The following KRT31 variants were observed in gnomAD, a reference collection of about 807,000 sequenced individuals.
KRT31 encodes the protein keratin, type I cuticular Ha1.
A neutral mutation model predicts 40.8 loss-of-function variants in KRT31; 27 were observed. The ratio of observed to expected loss-of-function variants is 0.66; its 90% CI spans 0.49 to 0.91. The LOEUF (loss-of-function observed/expected upper bound fraction) is 0.91. Among genes scored for constraint, KRT31 ranks in the 40% least tolerant of loss-of-function variants. The pLI is 0.00. For missense variants in KRT31, 510 were observed against 544.1 expected, an observed-to-expected ratio of 0.94 and a Z score of 0.62; for synonymous variants, 231 against 231.9, an observed-to-expected ratio of 1.00 and a Z score of 0.03.
At position 41,397,354 on chromosome 17, in the gene KRT31, G is replaced by C. The variant is rs1206016624; in HGVS notation, c.186C>G (p.Phe62Leu). Residue 62 changes from phenylalanine (F) to leucine (L), a missense_variant, in exon 1 of 7, where the codon TTC (phenylalanine) becomes TTG (leucine). Physicochemically the swap from Phe to Leu is conservative, Grantham distance 22 (BLOSUM62 0). Transcript: ENST00000251645. Reference sequence around the variant, plus strand: ...GGTAGCTGGCCAGGCGGTCGTTCAGGAACTGCATAGTCTCCTTCTCGCTAC... The same window carrying C: ...GGTAGCTGGCCAGGCGGTCGTTCAGCAACTGCATAGTCTCCTTCTCGCTAC... ...FNGSEKETMQ[F>L]LNDRLASYLE... 7 of 1,613,470 alleles carry C rather than the reference G, an allele frequency of 4.3e-6. No homozygotes were observed. The highest frequency in any genetic ancestry group is 5.9e-6 in the Non-Finnish European group (7 of 1,180,060).
At position 41,395,003 on chromosome 17, in the gene KRT31, C is replaced by T; in HGVS notation, c.942G>A (p.Val314=). 1 of 1,614,266 alleles carries T rather than the reference C, an allele frequency of 6.2e-7. No individual in the cohort carries two copies. The highest frequency in any genetic ancestry group is 8.5e-7 in the Non-Finnish European group (1 of 1,180,054). Residue 314 remains valine (V), a synonymous_variant, in exon 6 of 7, where the codon GTG becomes GTA. Coordinates refer to ENST00000251645, the MANE Select transcript of KRT31 (RefSeq NM_002277.3). ...ACTCCACGTTGGTGATCAGGCTCTG[C>T]ACCTGGGACAGCTGGGAGCTGTAGC... The part of the protein sequence containing the change: ...EARYSSQLSQ[V]QSLITNVESQ...
intron 5 of KRT31, 69 bp from the exon 6 acceptor site, chr17:41,395,137 G>A: frequency 1.9e-6 from 3 of 1,608,838 alleles, no homozygotes; most frequent in East Asian, 2.2e-5. Context: ...GGATTACAAG[G>A]AAGTCACAAG....
chr17:41,394,047 C>T lies in KRT31; in HGVS notation c.1220G>A (p.Arg407His), dbSNP rs749601131. Residue 407 changes from arginine to histidine, a missense_variant, in exon 7 of 7, where the codon CGC (arginine) becomes CAC (histidine). Arg to His is a conservative substitution (Grantham distance 29). Transcript: ENST00000251645. ...CACGAAGGAATTGCAGGGCCCACAGCGGGGGCGTGGGGCACAGGGTGTGCA... is the reference window on the plus strand; with the variant it reads ...CACGAAGGAATTGCAGGGCCCACAGTGGGGGCGTGGGGCACAGGGTGTGCA... ...APCTPCAPRP[R>H]CGPCNSFVR 6.8e-6 allele frequency: 11 copies of T among 1,613,188 alleles called. No homozygotes were observed. Among genetic ancestry groups the T allele is most frequent in the South Asian group, 5.5e-5 (5 of 91,064 alleles).
At position 41,394,166 on chromosome 17, in the gene KRT31, C is replaced by A. The variant is rs1254311330; in HGVS notation, c.1101G>T (p.Leu367=). ...RSLLESEDCN[L]PSNPCATTNA... ...TGGTCGTGGCACAGGGATTGCTGGG[C>A]AGACTGGAGACAAAAGAATGATGTG... is the stretch of plus-strand genomic sequence containing the variant. The change falls in exon 7 of 7, where the codon CTG becomes CTT. Residue 367 remains leucine, a synonymous_variant. Transcript: ENST00000251645. The A allele has an allele frequency of 7.5e-6, 12 of 1,609,654 alleles. No homozygotes were observed. Among genetic ancestry groups the A allele is most frequent in the Non-Finnish European group, 1.0e-5 (12 of 1,178,630 alleles).
rs1429967608 is a variant in KRT31 at position 41,396,461 on chromosome 17, G to C, written c.547C>G (p.Leu183Val). 1.9e-6 allele frequency: 3 copies of C among 1,614,048 alleles called. No individual in the cohort carries two copies. In the African/African-American group the frequency reaches 4.0e-5, roughly 22 times the overall value. ...TTGAGGCAGAGCAGCTCCTCCTTCAGGGACTCCACCTGGGCCTCCAGGTCG... is the reference window on the plus strand; with the variant it reads ...TTGAGGCAGAGCAGCTCCTCCTTCACGGACTCCACCTGGGCCTCCAGGTCG... ...KSDLEAQVES[L>V]KEELLCLKSN... The change falls in exon 3 of 7, where the codon CTG becomes GTG. Residue 183 changes from leucine (L) to valine (V), a missense_variant. Physicochemically the swap from Leu to Val is conservative, Grantham distance 32 (BLOSUM62 1). Coordinates refer to ENST00000251645, the MANE Select transcript of KRT31 (RefSeq NM_002277.3).
chr17:41,395,434 C>T (rs759863603), intron 4 of KRT31, 28 bp downstream of exon 4: 9 of 1,614,018 alleles, frequency 5.6e-6, no homozygotes, highest in Non-Finnish European at 6.8e-6. Context: ...GCCTTGGGTC[C>T]TGAGGGGCCA....
rs201101742 is a variant in KRT31, at chr17:41,394,136, C to T, written c.1131G>A (p.Ala377=). The T allele has an allele frequency of 5.7e-4, 914 of 1,612,094 alleles. 2 individuals carry two copies. Among genetic ancestry groups the T allele is most frequent in the Middle Eastern group, 9.9e-4 (6 of 6,054 alleles). ...LPSNPCATTN[A]CSKPIGPCLS... ...GACAGGGTCCGATGGGCTTGCTGCA[C>T]GCGTTGGTCGTGGCACAGGGATTGC... The change falls in exon 7 of 7, where the codon GCG becomes GCA. Residue 377 remains alanine (A), a synonymous_variant. Transcript: ENST00000251645.
rs182116186 is a variant in KRT31, at chr17:41,394,177, C to T, written c.1098-8G>A. The T allele has an allele frequency of 5.6e-5, 90 of 1,608,954 alleles. No homozygotes were observed. The African/African-American group carries it at 1.2e-3, about 21-fold the overall frequency. ...CAGGGATTGCTGGGCAGACTGGAGA[C>T]AAAAGAATGATGTGGAAAAGTGAGT... On this transcript the variant is annotated splice_region_variant and splice_polypyrimidine_tract_variant and intron_variant, in intron 6 of 6. Coordinates refer to ENST00000251645, the MANE Select transcript of KRT31 (RefSeq NM_002277.3).
At chr17:41,394,794 CTG>C in intron 6 of KRT31, 52 bp downstream of exon 6, 4 of 1,606,316 alleles carry the variant, frequency 2.5e-6, no homozygotes, top group Non-Finnish European at 3.4e-6. Context: ...TGGTGTCTAA[CTG>C]TTACACTCAC....
In KRT31 at chr17:41,395,581, C is replaced by T. The variant is rs909106038; in HGVS notation, c.631G>A (p.Val211Met). 7 of 1,614,118 alleles carry T rather than the reference C, an allele frequency of 4.3e-6. No individual in the cohort carries two copies. In the African/African-American group the frequency reaches 8.0e-5, roughly 18 times the overall value. Residue 211 changes from valine to methionine, a missense_variant, in exon 4 of 7, where the codon GTG becomes ATG. Val to Met is a conservative substitution (Grantham distance 21, BLOSUM62 1). Transcript: ENST00000251645. Reference protein sequence around the residue: ...LRCQLGDRLNVEVDAAPTVDL... With the variant: ...LRCQLGDRLNMEVDAAPTVDL... Reference sequence around the variant, plus strand: ...ACAGTGGGAGCAGCATCCACCTCCACATTGAGGCGGTCTCCAAGCTGGCAG... The same window carrying T: ...ACAGTGGGAGCAGCATCCACCTCCATATTGAGGCGGTCTCCAAGCTGGCAG...
chr17:41,397,548 G>T lies in KRT31; in HGVS notation c.-9C>A. On this transcript the variant is annotated 5_prime_UTR_variant, in exon 1 of 7. Transcript: ENST00000251645. ...CAGAAGTTGTAGGGCATAGTGCTGG[G>T]AGGGAGGGAGGGAGTGCCTGGCTGA... 3.5e-6 allele frequency: 5 copies of T among 1,408,746 alleles called. No individual in the cohort carries two copies. Among genetic ancestry groups the T allele is most frequent in the Non-Finnish European group, 4.9e-6 (5 of 1,014,574 alleles). The allele number at this position is 1,408,746 out of a possible 1,614,324, so 87.3% of individuals were successfully genotyped here.
intron 2 of KRT31, 102 bp from the exon 3 acceptor site, chr17:41,396,678 G>T: frequency 7.4e-7 from 1 of 1,354,896 alleles, no homozygotes; most frequent in Non-Finnish European, 1.0e-6. Context: ...TTTCTGTAAT[G>T]AATAGGCCCA....
rs142448231 is a variant in KRT31 at position 41,395,335 on chromosome 17, T to C, written c.786A>G (p.Ser262=). The C allele has an allele frequency of 1.9e-4, 312 of 1,613,922 alleles. 1 individual carries two copies. The highest frequency in any genetic ancestry group is 1.8e-3 in the African/African-American group (134 of 75,064). Residue 262 remains serine (S), a synonymous_variant, in exon 5 of 7, where the codon TCA becomes TCG. Coordinates refer to ENST00000251645, the MANE Select transcript of KRT31 (RefSeq NM_002277.3). ...CCGCCTGGTAGGACTGCAGCTGCTC[T>C]GAGCTGGATACCACCTGCTTGTTCA... ...EELNKQVVSS[S]EQLQSYQAEI...
At chr17:41,396,689 G>GAAACCTCTGTCTCCT in intron 2 of KRT31, 113 bp from the exon 3 acceptor site, 1 of 1,257,604 alleles carries the variant, frequency 8.0e-7, no homozygotes, top group Non-Finnish European at 1.1e-6. Flanking sequence ...AATAGGCCCA[G>GAAACCTCTGTCTCCT]GAGACAGAGG....
rs928079352 is a variant in KRT31, at chr17:41,394,193, A to G, written c.1098-24T>C. On this transcript the variant is annotated intron_variant, in intron 6 of 6. Transcript: ENST00000251645. ...GACTGGAGACAAAAGAATGATGTGGAAAAGTGAGTTAAGGGCAATTTTAAA... is the reference window on the plus strand; with the variant it reads ...GACTGGAGACAAAAGAATGATGTGGGAAAGTGAGTTAAGGGCAATTTTAAA... 2.5e-6 allele frequency: 4 copies of G among 1,608,970 alleles called. No homozygotes were observed. In the African/African-American group the frequency reaches 5.4e-5, roughly 22 times the overall value.
chr17:41,395,157 C>T, intron 5 of KRT31, 88 bp downstream of exon 5: 2 of 1,609,850 alleles, frequency 1.2e-6, no homozygotes. Context: ...GCTCCAAGAG[C>T]TAAGGAGAGT....
chr17:41,394,410 T>C (rs2018183839), intron 6 of KRT31, among the ~76,000 whole-genome samples: 1 of 152,174 alleles, frequency 6.6e-6, no homozygotes, highest in South Asian at 2.1e-4. Flanking sequence ...AATCCATTCA[T>C]GCCAAACTGA....
chr17:41,395,837 T>C (rs1395893693), intron 3 of KRT31, among the ~76,000 whole-genome samples: 2 of 152,114 alleles, frequency 1.3e-5, no homozygotes, highest in African/African-American at 4.8e-5. Flanking sequence ...ATCCCAAAAG[T>C]TTGCTTGGAT....
At position 41,394,112 on chromosome 17, in the gene KRT31, A is replaced by G. The variant is rs772782122; in HGVS notation, c.1155T>C (p.Cys385=). 1.9e-6 allele frequency: 3 copies of G among 1,612,774 alleles called. No individual in the cohort carries two copies. The highest frequency in any genetic ancestry group is 3.4e-5 in the Admixed American group (2 of 59,690). The change falls in exon 7 of 7, where the codon TGT becomes TGC. Residue 385 remains cysteine (C), a synonymous_variant. Transcript: ENST00000251645. ...TNACSKPIGP[C]LSNPCTSCVP... ...CACAAGAGGTACAGGGATTGGAGAGACAGGGTCCGATGGGCTTGCTGCACG... is the reference window on the plus strand; with the variant it reads ...CACAAGAGGTACAGGGATTGGAGAGGCAGGGTCCGATGGGCTTGCTGCACG...
Sources: allele counts gnomAD v4.1 joint callset (sites outside exome capture counted in the v4.1 genomes callset), GRCh38; gene constraint gnomAD v4.1.1; transcripts MANE v1.5; gene names NCBI Gene and HGNC (gene_info 2026-07-23, HGNC 2026-07-21).